The following CLDN2 variants were observed in gnomAD, a reference collection of about 807,000 sequenced individuals.
CLDN2 encodes the protein claudin 2.
In CLDN2, 1 loss-of-function variant was observed where a neutral mutation model predicts 8.2. The ratio of observed to expected loss-of-function variants is 0.12; its 90% confidence interval spans 0.04 to 0.58. The LOEUF is 0.58. Among genes scored for constraint, CLDN2 ranks in the 20% least tolerant of loss-of-function variants. The pLI, the probability that CLDN2 is intolerant of heterozygous loss-of-function variation, is 0.90. For missense variants in CLDN2, 108 were observed against 172.9 expected (o/e 0.62, Z 2.11); for synonymous variants, 70 against 70.2 (o/e 1.00, Z 0.01).
chrX:106,923,121 C>A (rs1478862740), intron 1 of CLDN2, among the ~76,000 whole-genome samples: 3 of 111,159 alleles, frequency 2.7e-5, no homozygotes, highest in African/African-American at 9.8e-5. Context: ...ATTACAGGCA[C>A]ATGCCACCAC....
At chrX:106,926,787 TCACA>T (rs60711565) in intron 1 of CLDN2, among the ~76,000 whole-genome samples, 39 of 2,100 alleles carry the variant, frequency 0.019, 1 homozygote, top group African/African-American at 0.034. Flanking sequence ...GGCAGGAGGA[TCACA>T]CACACACACA....
chrX:106,906,554 TCTA>T, intron 1 of CLDN2, among the ~76,000 whole-genome samples: 1 of 110,991 alleles, frequency 9.0e-6, no homozygotes, highest in Admixed American at 9.5e-5. Context: ...AACCTCTCCT[TCTA>T]CTTCCCTGAG....
rs144412595 is a variant in CLDN2 at position 106,901,444 on chromosome X, C to T, written c.-179+940C>T. 2.1e-3 allele frequency: 2,449 copies of T among 1,190,513 alleles called. 34 individuals carry two copies. In the African/African-American group the frequency reaches 0.037, roughly 18 times the overall value. On this transcript the variant is annotated intron_variant, in intron 1 of 1. Transcript: ENST00000541806. Reference sequence around the variant, plus strand: ...ATTCAAAGAGCTAATGGATCTATGTCAAGTTTGGAGCTTCATGCCAGAAGC... The same window carrying T: ...ATTCAAAGAGCTAATGGATCTATGTTAAGTTTGGAGCTTCATGCCAGAAGC...
At chrX:106,906,996 T>C (rs376038493) in intron 1 of CLDN2, among the ~76,000 whole-genome samples, 1 of 111,677 alleles carries the variant, frequency 9.0e-6, no homozygotes, top group African/African-American at 3.3e-5. Context: ...GTCTACATGC[T>C]AGACTTCCGC....
At chrX:106,918,170 T>C (rs1225474394), upstream of CLDN2, among the ~76,000 whole-genome samples, 1 of 112,571 alleles carries the variant, frequency 8.9e-6, no homozygotes, top group African/African-American at 3.2e-5. Context: ...TCAATCAGCA[T>C]TTTCTACTTG....
At chrX:106,925,543 A>G (rs977104022) in intron 1 of CLDN2, among the ~76,000 whole-genome samples, 4 of 112,578 alleles carry the variant, frequency 3.6e-5, no homozygotes, top group Non-Finnish European at 7.5e-5. Context: ...TCATGGGGTA[A>G]ACCAAGCAAG....
chrX:106,905,201 G>A (rs1243701759), intron 1 of CLDN2, among the ~76,000 whole-genome samples: 1 of 112,447 alleles, frequency 8.9e-6, no homozygotes, highest in Non-Finnish European at 1.9e-5. Flanking sequence ...CCCATGGCTG[G>A]AAGCTACATG....
chrX:106,914,217 C>G (rs904147064), upstream of CLDN2, among the ~76,000 whole-genome samples: 1 of 110,630 alleles, frequency 9.0e-6, no homozygotes, highest in Admixed American at 9.7e-5. Context: ...TCCCAAAGTG[C>G]TAGGATTACA....
intron 1 of CLDN2, among the ~76,000 whole-genome samples, chrX:106,923,137 A>G (rs989173885): frequency 9.0e-6 from 1 of 111,028 alleles, no homozygotes; most frequent in Non-Finnish European, 1.9e-5. Flanking sequence ...ACCACGCCCA[A>G]CTAATTTTTG....
intron 1 of CLDN2, among the ~76,000 whole-genome samples, chrX:106,908,586 G>A (rs979103348): frequency 1.3e-5 from 1 of 77,657 alleles, no homozygotes; most frequent in Non-Finnish European, 2.6e-5. Flanking sequence ...TTTTTTTGTT[G>A]TTGTTTTTTT....
intron 1 of CLDN2, among the ~76,000 whole-genome samples, chrX:106,925,453 A>G (rs1933452218): frequency 8.9e-6 from 1 of 112,485 alleles, no homozygotes; most frequent in African/African-American, 3.2e-5. Context: ...ACATGGCATG[A>G]TTGAAGAACT....
intron 1 of CLDN2, among the ~76,000 whole-genome samples, chrX:106,923,872 G>A (rs982995003): frequency 1.3e-4 from 14 of 111,470 alleles, no homozygotes; most frequent in Non-Finnish European, 2.3e-4. Context: ...GATAAGAAGA[G>A]CCATCTAGAA....
At chrX:106,913,435 C>T (rs980374510), upstream of CLDN2, among the ~76,000 whole-genome samples, 5 of 111,961 alleles carry the variant, frequency 4.5e-5, no homozygotes, top group East Asian at 2.8e-4. Flanking sequence ...AAAGGTTCAC[C>T]GATACGGTTT....
At chrX:106,916,441 G>A (rs1299730101), upstream of CLDN2, among the ~76,000 whole-genome samples, 1 of 111,122 alleles carries the variant, frequency 9.0e-6, no homozygotes, top group Non-Finnish European at 1.9e-5. Context: ...CCAGTTTGGA[G>A]AGCTAGGTAG....
At chrX:106,914,247 G>A (rs755064619), upstream of CLDN2, among the ~76,000 whole-genome samples, 9 of 110,852 alleles carry the variant, frequency 8.1e-5, no homozygotes, top group East Asian at 2.8e-4. Context: ...CACCGCACCC[G>A]GCCACAAACC....
chrX:106,903,170 G>A (rs1569285297), intron 1 of CLDN2: 1 of 1,209,879 alleles, frequency 8.3e-7, no homozygotes. Flanking sequence ...GAGGAGAGAA[G>A]GCAAGATGGG....
chrX:106,901,307 A>T (rs55662019), intron 1 of CLDN2, among the ~76,000 whole-genome samples: 19,081 of 111,792 alleles, frequency 0.17, 1,398 homozygotes, highest in Middle Eastern at 0.37. Flanking sequence ...TCTAGAAAAG[A>T]CAGCCTTGGC....
intron 1 of CLDN2, 140 bp downstream of exon 1, chrX:106,920,691 G>A (rs1168132792): frequency 8.9e-6 from 1 of 111,863 alleles, no homozygotes; most frequent in Non-Finnish European, 1.9e-5. Flanking sequence ...GGTATGGGAG[G>A]GGAAACTCCG....
intron 1 of CLDN2, among the ~76,000 whole-genome samples, chrX:106,902,743 A>G (rs1180667217): frequency 8.9e-6 from 1 of 112,044 alleles, no homozygotes; most frequent in African/African-American, 3.2e-5. Flanking sequence ...GTGGTCAGGA[A>G]AAAGACAATG....
Sources: gnomAD v4.1 joint callset for allele counts (sites outside exome capture counted in the v4.1 genomes callset) on GRCh38, gnomAD v4.1.1 for gene constraint, MANE v1.5 for transcripts, NCBI Gene and HGNC (gene_info 2026-07-23, HGNC 2026-07-21) for gene names.